GNE: variants seen among roughly 807,000 people sequenced by gnomAD.
GNE encodes glucosamine (UDP-N-acetyl)-2-epimerase/N-acetylmannosamine kinase.
Under a neutral mutation model 61.8 loss-of-function variants are expected in GNE, and 41 were observed. That is an observed-to-expected ratio of 0.66 (90% CI 0.52 to 0.86). The LOEUF (loss-of-function observed/expected upper bound fraction) is 0.86. GNE is among the 40% of genes least tolerant of loss of function. The probability of loss-of-function intolerance (pLI) is 0.00; values close to 1 mark genes in which losing one functional copy is unlikely to be tolerated. For missense variants in GNE, 608 were observed against 909.1 expected, an observed-to-expected ratio of 0.67 and a Z score of 4.26; for synonymous variants, 264 against 326.4, an observed-to-expected ratio of 0.81 and a Z score of 2.06.
intron 5 of GNE, among the ~76,000 whole-genome samples, chr9:36,231,066 TAAAAAAA>T (rs529903965): frequency 8.8e-4 from 60 of 68,374 alleles, no homozygotes; most frequent in Non-Finnish European, 1.5e-3. Context: ...ACTGCTTCAC[TAAAAAAA>T]AAAAAAAAAA....
At chr9:36,237,943 A>G (rs958408012) in intron 3 of GNE, among the ~76,000 whole-genome samples, 3 of 152,118 alleles carry the variant, frequency 2.0e-5, no homozygotes, top group African/African-American at 7.2e-5. Context: ...TACTTCACTT[A>G]GAATAATAGT....
chr9:36,218,425 T>A lies in GNE; in HGVS notation c.1817-126A>T. On this transcript the variant is annotated intron_variant, in intron 10 of 11. Coordinates refer to ENST00000642385, the MANE Select transcript of GNE (RefSeq NM_005476.7). This position sits in a 1 kb window ranked among gnomAD's most constrained non-coding sequence, Gnocchi z 4.1. ...GTTTTCTTTTCACAATTGCAAAGCTTATCGTTCACAAACATCTCTATACAC... is the reference window on the plus strand; with the variant it reads ...GTTTTCTTTTCACAATTGCAAAGCTAATCGTTCACAAACATCTCTATACAC... 1.4e-6 allele frequency: 1 copy of A among 729,028 alleles called. No individual in the cohort carries two copies. The allele number at this position is 729,028 out of a possible 1,614,324, so 45.2% of individuals were successfully genotyped here.
intron 1 of GNE, chr9:36,265,502 G>C (rs1830745780): frequency 2.2e-6 from 1 of 456,496 alleles, no homozygotes; most frequent in South Asian, 1.5e-5. Context: ...TCAACAAGAG[G>C]TGGAATAAAC....
chr9:36,256,239 CTTTTTTT>C (rs34215482), intron 1 of GNE, among the ~76,000 whole-genome samples: 67 of 55,976 alleles, frequency 1.2e-3, no homozygotes, highest in East Asian at 2.5e-3. Flanking sequence ...AAACCCAATT[CTTTTTTT>C]TTTTTTTTTT....
At chr9:36,257,984 C>T (rs970572267) in intron 1 of GNE, among the ~76,000 whole-genome samples, 6 of 152,002 alleles carry the variant, frequency 3.9e-5, no homozygotes, top group Admixed American at 6.6e-5. Context: ...CACCCTCTCT[C>T]GCCCCGCCCC....
intron 1 of GNE, among the ~76,000 whole-genome samples, chr9:36,271,593 C>T (rs964036232): frequency 6.6e-6 from 1 of 152,122 alleles, no homozygotes; most frequent in Admixed American, 6.5e-5. Flanking sequence ...AGGCTAGTCT[C>T]GAACTCCTGA....
chr9:36,217,282 G>C lies in GNE; in HGVS notation c.*83C>G. 1 of 929,282 alleles carries C rather than the reference G, an allele frequency of 1.1e-6. No individual in the cohort carries two copies. The highest frequency in any genetic ancestry group is 1.7e-6 in the Non-Finnish European group (1 of 582,344). 57.6% of individuals were successfully genotyped at this position (929,282 alleles called of 1,614,324 possible). ...CTGCAGTTCAATACCAGATTTGATT[G>C]TTAAGAAACGGTCATCCTAAAGACA... On this transcript the variant is annotated 3_prime_UTR_variant, in exon 12 of 12. Coordinates refer to ENST00000642385, the MANE Select transcript of GNE (RefSeq NM_005476.7).
At chr9:36,245,805 A>G (rs1184639178) in intron 3 of GNE, among the ~76,000 whole-genome samples, 1 of 152,252 alleles carries the variant, frequency 6.6e-6, no homozygotes, top group Non-Finnish European at 1.5e-5. Context: ...CATTCTATAA[A>G]TATAGCAGAG....
intron 1 of GNE, among the ~76,000 whole-genome samples, chr9:36,263,954 C>T (rs1233188910): frequency 6.6e-6 from 1 of 151,864 alleles, no homozygotes; most frequent in Non-Finnish European, 1.5e-5. Context: ...AGAGGACTGG[C>T]CAGTTGGAAA....
chr9:36,269,564 G>A (rs1830942066), intron 1 of GNE, among the ~76,000 whole-genome samples: 1 of 151,782 alleles, frequency 6.6e-6, no homozygotes, highest in Non-Finnish European at 1.5e-5. Flanking sequence ...AAATCATGGA[G>A]TCATATTTTA....
intron 1 of GNE, among the ~76,000 whole-genome samples, chr9:36,253,485 C>T (rs1176679046): frequency 1.3e-5 from 2 of 150,928 alleles, no homozygotes; most frequent in Non-Finnish European, 3.0e-5. Context: ...ACCATGTTGT[C>T]CAGGCCAGTC....
chr9:36,230,614 G>A (rs1036002926), intron 5 of GNE, among the ~76,000 whole-genome samples: 1 of 151,332 alleles, frequency 6.6e-6, no homozygotes, highest in African/African-American at 2.4e-5. Flanking sequence ...ATGCTACCAG[G>A]TCCACCTAAT....
chr9:36,263,711 A>T (rs1169434968), intron 1 of GNE, among the ~76,000 whole-genome samples: 1 of 152,238 alleles, frequency 6.6e-6, no homozygotes, highest in Non-Finnish European at 1.5e-5. Context: ...TGAAGTGTTA[A>T]TAAATACCTA....
rs140191649 is a variant in GNE, at chr9:36,238,227, T to C, written c.617-1243A>G. ...GGTTCCATGACTTTGCAATTGTGAA[T>C]TGTGCTGCTATAAACATGCGTGTGC... On this transcript the variant is annotated intron_variant, in intron 3 of 11. Transcript: ENST00000642385. Among the ~76,000 whole-genome samples, 40 of 152,294 alleles carry C rather than the reference T, an allele frequency of 2.6e-4. No individual in the cohort carries two copies. In the East Asian group the frequency reaches 4.8e-3, roughly 18 times the overall value.
rs766737869 is a variant in GNE at position 36,223,513 on chromosome 9, AAAC to A, written c.1282-14_1282-12del. On this transcript the variant is annotated splice_polypyrimidine_tract_variant and intron_variant, in intron 7 of 11. Coordinates refer to ENST00000642385, the MANE Select transcript of GNE (RefSeq NM_005476.7). ...CTTAACTATTTCACCCTAAAAGAGA[AAAC>A]AACAAGTTCCGTCTTACTGGTCTTA... 1.6e-5 allele frequency: 25 copies of A among 1,609,624 alleles called. No individual in the cohort carries two copies. Among genetic ancestry groups the A allele is most frequent in the Middle Eastern group, 2.1e-4 (1 of 4,870 alleles).
At chr9:36,265,935 A>G (rs1055829673) in intron 1 of GNE, among the ~76,000 whole-genome samples, 6 of 151,436 alleles carry the variant, frequency 4.0e-5, no homozygotes, top group African/African-American at 1.5e-4. Context: ...TTTTTATTTT[A>G]TTTTATTTTT....
At position 36,269,784 on chromosome 9, in the gene GNE, C is replaced by T. The variant is rs188858780; in HGVS notation, c.51+7110G>A. 4.5e-3 allele frequency among the ~76,000 whole-genome samples: 682 copies of T among 151,524 alleles called. 3 individuals carry two copies. Among genetic ancestry groups the T allele is most frequent in the Middle Eastern group, 0.017 (5 of 294 alleles). ...TCAAGCGATTCTCCTGCCTCAGCTT[C>T]CTGAGTATCTGGGATTACAGGCGCC... On this transcript the variant is annotated intron_variant, in intron 1 of 11. Coordinates refer to the GNE transcript ENST00000396594.
Position 36,218,015 on chromosome 9 carries a change from T to C in GNE, c.1933+168A>G, listed in dbSNP as rs192421511. ...GAAAAAGGCAATGCTGCCAAATACC[T>C]TGAATCCAATTCCCTTTTTACCTCT... On this transcript the variant is annotated intron_variant, in intron 11 of 11. Coordinates refer to ENST00000642385, the MANE Select transcript of GNE (RefSeq NM_005476.7). The surrounding 1 kb of genome is among the most constrained non-coding windows in gnomAD (Gnocchi z 4.1). 9.7e-3 allele frequency among the ~76,000 whole-genome samples: 1,470 copies of C among 152,330 alleles called. 16 individuals carry two copies. The highest frequency in any genetic ancestry group is 0.019 in the South Asian group (92 of 4,822).
In GNE at chr9:36,228,793, CAA is replaced by C. The variant is rs71336431; in HGVS notation, c.1070+226_1070+227del. 0.091 allele frequency among the ~76,000 whole-genome samples: 6,611 copies of C among 72,348 alleles called. 155 individuals are homozygous for C. The highest frequency in any genetic ancestry group is 0.27 in the South Asian group (631 of 2,336). 47.5% of individuals were successfully genotyped at this position (72,348 alleles called of 152,430 possible). On this transcript the variant is annotated intron_variant, in intron 6 of 11. Transcript: ENST00000642385. The stretch of plus-strand genomic sequence containing the variant: ...TGGGCAACAGATCAAGAGTCCATCT[CAA>C]AAAAAAAAAAAAAAAAAAGAAATAA...
Sources: allele counts gnomAD v4.1 joint callset (sites outside exome capture counted in the v4.1 genomes callset), GRCh38; gene constraint gnomAD v4.1.1; non-coding constraint Gnocchi (gnomAD v3.1); transcripts MANE v1.5; gene names NCBI Gene and HGNC (gene_info 2026-07-23, HGNC 2026-07-21).